The following NELL1 variants were observed in gnomAD, a reference collection of about 807,000 sequenced individuals.
The protein encoded by NELL1 is neural EGFL like 1.
In NELL1, 76 loss-of-function variants were observed where a neutral mutation model predicts 107.4. The ratio of observed to expected loss-of-function variants is 0.71; its 90% CI spans 0.59 to 0.86. NELL1 has a LOEUF of 0.86. NELL1 is among the 40% of genes least tolerant of loss of function. The pLI, the probability that NELL1 is intolerant of heterozygous loss-of-function variation, is 0.00. For synonymous variants in NELL1, 353 were observed against 341.2 expected (o/e 1.03, Z -0.38); for missense variants, 1,024 against 1,005.5 (o/e 1.02, Z -0.25).
rs780473690 is a variant in NELL1, at chr11:21,039,374, C to T, written c.1301-74215C>T. ...CTAATTTTTGTATTTTGAGTAGAGA[C>T]GGGGTTTCACCATGTTGGCTAGGCT... On this transcript the variant is annotated intron_variant, in intron 12 of 19. Transcript: ENST00000357134. Among the ~76,000 whole-genome samples, 12 of 152,068 alleles carry T rather than the reference C, an allele frequency of 7.9e-5. No individual in the cohort carries two copies. In the East Asian group the frequency reaches 1.7e-3, roughly 22 times the overall value.
At chr11:21,337,438 T>G (rs1273510661) in intron 14 of NELL1, among the ~76,000 whole-genome samples, 1 of 152,198 alleles carries the variant, frequency 6.6e-6, no homozygotes, top group Non-Finnish European at 1.5e-5. Context: ...TGGATCTTGC[T>G]CTTCCATTTT....
At chr11:20,927,208 T>C (rs941196146) in intron 7 of NELL1, 100 bp from the exon 8 acceptor site, 23 of 1,144,196 alleles carry the variant, frequency 2.0e-5, no homozygotes, top group Non-Finnish European at 2.7e-5. Context: ...CTGAGCATTT[T>C]TTTCTCTTCT....
chr11:21,388,487 T>C (rs777206196), intron 15 of NELL1, among the ~76,000 whole-genome samples: 4 of 151,876 alleles, frequency 2.6e-5, no homozygotes, highest in Non-Finnish European at 5.9e-5. Context: ...AATATTTCTA[T>C]AGTTCTTTAT....
At chr11:21,494,331 A>C (rs916503208) in intron 15 of NELL1, among the ~76,000 whole-genome samples, 3 of 151,988 alleles carry the variant, frequency 2.0e-5, no homozygotes, top group Non-Finnish European at 4.4e-5. Flanking sequence ...ACTCACTAAC[A>C]AGTCATCCAA....
intron 12 of NELL1, among the ~76,000 whole-genome samples, chr11:21,104,826 A>G (rs192413534): frequency 3.7e-3 from 559 of 152,280 alleles, no homozygotes; most frequent in Middle Eastern, 6.8e-3. Flanking sequence ...ATTTTCTCAC[A>G]TCTCTGGAGG....
intron 12 of NELL1, among the ~76,000 whole-genome samples, chr11:20,987,009 A>T (rs1851867161): frequency 6.6e-6 from 1 of 152,206 alleles, no homozygotes; most frequent in African/African-American, 2.4e-5. Context: ...TCAGAAGAAA[A>T]CTAAAAACTT....
intron 5 of NELL1, among the ~76,000 whole-genome samples, chr11:20,886,194 C>T (rs969180312): frequency 6.6e-6 from 1 of 152,154 alleles, no homozygotes; most frequent in African/African-American, 2.4e-5. Context: ...TAGCCTAAAC[C>T]TCAACATCAT....
At position 21,404,283 on chromosome 11, in the gene NELL1, C is replaced by G. The variant is rs189964085; in HGVS notation, c.1645+33335C>G. On this transcript the variant is annotated intron_variant, in intron 15 of 19. Transcript: ENST00000357134. ...TCCTTTTACTGGACCCACAGTAGGT[C>G]ACACACTCAAAATGAACTGGCTGAG... Among the ~76,000 whole-genome samples, 5 of 152,066 alleles carry G rather than the reference C, an allele frequency of 3.3e-5. No individual in the cohort carries two copies. The East Asian group carries it at 9.8e-4, about 30-fold the overall frequency.
chr11:21,370,847 C>A lies in NELL1; in HGVS notation c.1550-6C>A, dbSNP rs1851342685. 1.9e-6 allele frequency: 3 copies of A among 1,609,404 alleles called. No homozygotes were observed. The highest frequency in any genetic ancestry group is 2.5e-6 in the Non-Finnish European group (3 of 1,177,372). On this transcript the variant is annotated splice_region_variant and splice_polypyrimidine_tract_variant and intron_variant, in intron 14 of 19. Coordinates refer to ENST00000357134, the MANE Select transcript of NELL1 (RefSeq NM_006157.5). Reference sequence around the variant, plus strand: ...CTAAGATAAATACTTTGTTCTCTTGCAACAGCTTTCTGTGAAGAGGGCTGC... The same window carrying A: ...CTAAGATAAATACTTTGTTCTCTTGAAACAGCTTTCTGTGAAGAGGGCTGC...
intron 15 of NELL1, among the ~76,000 whole-genome samples, chr11:21,435,106 T>A (rs1853073318): frequency 6.6e-6 from 1 of 152,074 alleles, no homozygotes; most frequent in Admixed American, 6.6e-5. Context: ...TTTCTATGTA[T>A]AAGATTATGT....
intron 13 of NELL1, among the ~76,000 whole-genome samples, chr11:21,216,027 T>C (rs1046879703): frequency 2.6e-5 from 4 of 152,124 alleles, no homozygotes; most frequent in African/African-American, 9.7e-5. Context: ...AATGGTTTCC[T>C]GGGCCAGGTC....
chr11:21,565,949 G>A (rs1205281988), intron 17 of NELL1, among the ~76,000 whole-genome samples: 1 of 151,914 alleles, frequency 6.6e-6, no homozygotes, highest in African/African-American at 2.4e-5. Context: ...TAGAATAGGT[G>A]CGTCTAGATT....
At chr11:21,351,974 C>T (rs971014769) in intron 14 of NELL1, among the ~76,000 whole-genome samples, 7 of 152,036 alleles carry the variant, frequency 4.6e-5, no homozygotes, top group African/African-American at 1.7e-4. Flanking sequence ...TTTCTGTTAC[C>T]GTCTCCTACA....
chr11:21,282,202 G>A (rs145435718), intron 14 of NELL1, among the ~76,000 whole-genome samples: 145 of 152,158 alleles, frequency 9.5e-4, no homozygotes, highest in South Asian at 2.9e-3. Flanking sequence ...CTGAATAGAC[G>A]TTTCTCAAAA....
At chr11:21,542,831 A>G (rs1856324638) in intron 16 of NELL1, among the ~76,000 whole-genome samples, 1 of 152,132 alleles carries the variant, frequency 6.6e-6, no homozygotes, top group Admixed American at 6.6e-5. Context: ...GTTATTTAAA[A>G]TACAAATATT....
intron 14 of NELL1, among the ~76,000 whole-genome samples, chr11:21,242,496 G>A (rs532938895): frequency 2.6e-5 from 4 of 152,082 alleles, no homozygotes; most frequent in African/African-American, 4.8e-5. Context: ...GGAGAACACA[G>A]ATATTGTTTG....
intron 13 of NELL1, among the ~76,000 whole-genome samples, chr11:21,207,944 G>A (rs1857423770): frequency 6.6e-6 from 1 of 151,858 alleles, no homozygotes; most frequent in Non-Finnish European, 1.5e-5. Flanking sequence ...TGATGTTATG[G>A]GATACACATA....
At chr11:20,852,470 T>A (rs922372239) in intron 4 of NELL1, among the ~76,000 whole-genome samples, 1 of 152,234 alleles carries the variant, frequency 6.6e-6, no homozygotes, top group Non-Finnish European at 1.5e-5. Context: ...TGTAGACTTT[T>A]CATAATGAAA....
At chr11:21,237,571 C>G (rs1858242106) in intron 14 of NELL1, among the ~76,000 whole-genome samples, 1 of 151,990 alleles carries the variant, frequency 6.6e-6, no homozygotes, top group Non-Finnish European at 1.5e-5. Flanking sequence ...TAAATCAAGG[C>G]AGTCATCATA....
Sources: gnomAD v4.1 joint callset for allele counts (sites outside exome capture counted in the v4.1 genomes callset) on GRCh38, gnomAD v4.1.1 for gene constraint, MANE v1.5 for transcripts, NCBI Gene and HGNC (gene_info 2026-07-23, HGNC 2026-07-21) for gene names.